Variants in ARHGAP26 observed in about 807,000 individuals in gnomAD.
The protein encoded by ARHGAP26 is rho GTPase-activating protein 26.
A neutral mutation model predicts 104.8 loss-of-function variants in ARHGAP26; 38 were observed. The observed-to-expected ratio is 0.36, with a 90% CI of 0.28 to 0.48. The LOEUF is 0.48. ARHGAP26 is among the 20% of genes least tolerant of loss of function. The pLI is 0.99. For missense variants in ARHGAP26, 704 were observed against 947.9 expected, an observed-to-expected ratio of 0.74 and a Z score of 3.38; for synonymous variants, 341 against 340.0, an observed-to-expected ratio of 1.00 and a Z score of -0.03.
chr5:142,926,552 T>G (rs1763928725), intron 10 of ARHGAP26, among the ~76,000 whole-genome samples: 1 of 152,168 alleles, frequency 6.6e-6, no homozygotes, highest in South Asian at 2.1e-4. Flanking sequence ...TCTGTTCTTA[T>G]TAGTTATCAG....
intron 11 of ARHGAP26, among the ~76,000 whole-genome samples, chr5:142,950,173 T>C (rs1026861651): frequency 6.6e-6 from 1 of 151,786 alleles, no homozygotes; most frequent in African/African-American, 2.4e-5. Flanking sequence ...ATGGGTAGGG[T>C]GTGTGTGTCT....
intron 14 of ARHGAP26, among the ~76,000 whole-genome samples, chr5:143,045,470 C>A (rs966909071): frequency 1.8e-4 from 27 of 152,200 alleles, no homozygotes; most frequent in Non-Finnish European, 2.6e-4. Context: ...TGTGAACATG[C>A]CCACAACTTC....
chr5:143,099,029 A>G (rs770434442), intron 17 of ARHGAP26, among the ~76,000 whole-genome samples: 11 of 152,228 alleles, frequency 7.2e-5, no homozygotes, highest in Non-Finnish European at 1.3e-4. Flanking sequence ...TGCTGAAAAA[A>G]GGTCACAAAG....
chr5:143,159,593 C>G (rs1437784337), intron 20 of ARHGAP26, among the ~76,000 whole-genome samples: 1 of 152,192 alleles, frequency 6.6e-6, no homozygotes, highest in East Asian at 1.9e-4. Flanking sequence ...TTACCAACAT[C>G]TAGGCCCCTT....
chr5:142,887,919 C>T (rs539516709), intron 5 of ARHGAP26, among the ~76,000 whole-genome samples: 13 of 152,078 alleles, frequency 8.5e-5, no homozygotes, highest in Admixed American at 2.6e-4. Flanking sequence ...GAGCCACAGT[C>T]GCGCCACTGC....
intron 17 of ARHGAP26, among the ~76,000 whole-genome samples, chr5:143,097,310 A>G (rs367604154): frequency 5.6e-5 from 8 of 143,132 alleles, no homozygotes; most frequent in African/African-American, 2.1e-4. Flanking sequence ...GTACCACTGT[A>G]CTCTGCACTC....
chr5:142,989,505 T>G lies in ARHGAP26; in HGVS notation c.1108-24575T>G, dbSNP rs187395794. On this transcript the variant is annotated intron_variant, in intron 11 of 22. Coordinates refer to ENST00000645722, the MANE Select transcript of ARHGAP26 (RefSeq NM_001135608.3). ...AGGTTAATATTGTTATGCATGAATT[T>G]GATCCTATCATGATGATGTTAGCTG... is the stretch of plus-strand genomic sequence containing the variant. Among the ~76,000 whole-genome samples, 386 of 152,338 alleles carry G rather than the reference T, an allele frequency of 2.5e-3. 1 individual carries two copies. The highest frequency in any genetic ancestry group is 4.7e-3 in the Non-Finnish European group (323 of 68,032).
intron 21 of ARHGAP26, among the ~76,000 whole-genome samples, chr5:143,213,399 C>T (rs934915903): frequency 1.4e-5 from 2 of 145,332 alleles, no homozygotes; most frequent in Non-Finnish European, 3.0e-5. Flanking sequence ...TAATTGCCCT[C>T]ATGCACCTTG....
At chr5:142,864,661 G>T (rs1272605959) in intron 1 of ARHGAP26, among the ~76,000 whole-genome samples, 1 of 152,188 alleles carries the variant, frequency 6.6e-6, no homozygotes, top group Non-Finnish European at 1.5e-5. Context: ...CCAACCTGCT[G>T]GTAAACTTCC....
intron 11 of ARHGAP26, among the ~76,000 whole-genome samples, chr5:142,996,018 A>G (rs1264924466): frequency 6.6e-6 from 1 of 152,056 alleles, no homozygotes; most frequent in Admixed American, 6.5e-5. Flanking sequence ...CAGGGAGGGA[A>G]CATAACATAC....
chr5:143,161,037 T>C (rs1431966615), intron 20 of ARHGAP26, among the ~76,000 whole-genome samples: 6 of 131,074 alleles, frequency 4.6e-5, no homozygotes, highest in Non-Finnish European at 9.5e-5. Flanking sequence ...TGAGATGGAG[T>C]CTCTTACCTT....
intron 1 of ARHGAP26, chr5:142,868,667 T>C (rs1218733922): frequency 1.3e-5 from 2 of 152,884 alleles, no homozygotes; most frequent in Non-Finnish European, 2.9e-5. Flanking sequence ...GTGGTGCCCT[T>C]CGTTACACTG....
chr5:142,907,942 A>G (rs1761333484), intron 9 of ARHGAP26, 138 bp downstream of exon 9: 2 of 432,704 alleles, frequency 4.6e-6, no homozygotes, highest in Admixed American at 4.5e-5. Flanking sequence ...AAAAATTTTT[A>G]TATAGTAGTT....
chr5:142,996,030 G>A (rs967715702), intron 11 of ARHGAP26, among the ~76,000 whole-genome samples: 9 of 152,056 alleles, frequency 5.9e-5, no homozygotes, highest in Non-Finnish European at 1.3e-4. Context: ...ATAACATACC[G>A]GGGCCTACTG....
intron 4 of ARHGAP26, among the ~76,000 whole-genome samples, chr5:142,884,264 C>G (rs1017563871): frequency 3.9e-5 from 6 of 152,190 alleles, no homozygotes; most frequent in Admixed American, 6.5e-5. Flanking sequence ...GTCCTAGGCT[C>G]CAATCCCAGC....
chr5:142,993,158 G>GT (rs746933068), intron 11 of ARHGAP26, among the ~76,000 whole-genome samples: 2,090 of 102,612 alleles, frequency 0.02, 43 homozygotes, highest in African/African-American at 0.042. Context: ...TTTTTGTGTG[G>GT]TTTTTTTTTT....
In ARHGAP26 at chr5:142,915,927, TTC is replaced by T. The variant is rs376148837; in HGVS notation, c.1028+2635_1028+2636del. ...CTTTTCTCTCAAAGACTCCTGTACTTTCCTTTTTCACCAATGTCCTTTAGCGA... is the reference window on the plus strand; with the variant it reads ...CTTTTCTCTCAAAGACTCCTGTACTTCTTTTTCACCAATGTCCTTTAGCGA... On this transcript the variant is annotated intron_variant, in intron 10 of 22. Transcript: ENST00000645722. Among the ~76,000 whole-genome samples the T allele has an allele frequency of 1.4e-3, 212 of 152,248 alleles. 5 individuals carry two copies. The South Asian group carries it at 0.04, about 29-fold the overall frequency.
chr5:143,167,919 G>T (rs1468414257), intron 20 of ARHGAP26, among the ~76,000 whole-genome samples: 3 of 152,160 alleles, frequency 2.0e-5, no homozygotes, highest in Non-Finnish European at 4.4e-5. Flanking sequence ...ACACATTAAA[G>T]ATGAGTTACA....
chr5:142,929,396 C>G (rs555637578), intron 10 of ARHGAP26, among the ~76,000 whole-genome samples: 7 of 152,004 alleles, frequency 4.6e-5, no homozygotes, highest in African/African-American at 1.7e-4. Flanking sequence ...AGTGGAGGGT[C>G]GTTGAGGGTT....
Sources: gnomAD v4.1 joint callset for allele counts (sites outside exome capture counted in the v4.1 genomes callset) on GRCh38, gnomAD v4.1.1 for gene constraint, MANE v1.5 for transcripts, NCBI Gene and HGNC (gene_info 2026-07-23, HGNC 2026-07-21) for gene names.